ELMO1: variants seen among roughly 807,000 people sequenced by gnomAD.
ELMO1 encodes the protein engulfment and cell motility protein 1.
Under a neutral mutation model 98.9 loss-of-function variants are expected in ELMO1, and 26 were observed. The ratio of observed to expected loss-of-function variants is 0.26; its 90% CI spans 0.19 to 0.36. The LOEUF (loss-of-function observed/expected upper bound fraction) is 0.36. ELMO1 is among the 10% of genes least tolerant of loss of function. The pLI is 1.00. For missense variants in ELMO1, 627 were observed against 935.2 expected (o/e 0.67, Z 4.30); for synonymous variants, 346 against 346.0 (o/e 1.00, Z 0.00).
At chr7:37,366,746 A>C (rs1724398087) in intron 1 of ELMO1, among the ~76,000 whole-genome samples, 1 of 152,204 alleles carries the variant, frequency 6.6e-6, no homozygotes, top group African/African-American at 2.4e-5. Context: ...GGCCAACTTC[A>C]GCAATAGCAT....
chr7:37,176,030 GA>G (rs1315986189), intron 13 of ELMO1, among the ~76,000 whole-genome samples: 1 of 152,218 alleles, frequency 6.6e-6, no homozygotes, highest in Non-Finnish European at 1.5e-5. Context: ...ACTTTCAAGT[GA>G]TGTTTGGAAT....
intron 1 of ELMO1, among the ~76,000 whole-genome samples, chr7:37,430,607 T>C (rs934465046): frequency 6.6e-6 from 1 of 152,264 alleles, no homozygotes; most frequent in Non-Finnish European, 1.5e-5. Context: ...TTTGCATCTC[T>C]GAGCTCACCG....
intron 13 of ELMO1, among the ~76,000 whole-genome samples, chr7:37,190,998 G>T (rs1450799742): frequency 6.6e-6 from 1 of 151,478 alleles, no homozygotes. Flanking sequence ...GACCATCCCG[G>T]CTAACACGGT....
At chr7:37,316,373 G>C (rs368739370) in intron 2 of ELMO1, among the ~76,000 whole-genome samples, 3 of 152,172 alleles carry the variant, frequency 2.0e-5, no homozygotes, top group African/African-American at 7.2e-5. Flanking sequence ...AAAAAGCCTG[G>C]ATTCATGATA....
chr7:37,334,536 G>A (rs1314010611), intron 2 of ELMO1, among the ~76,000 whole-genome samples: 1 of 152,132 alleles, frequency 6.6e-6, no homozygotes, highest in Non-Finnish European at 1.5e-5. Flanking sequence ...GAGTAATCTT[G>A]GGCAAGTTAA....
chr7:37,015,036 G>T (rs1323025078), intron 15 of ELMO1, among the ~76,000 whole-genome samples: 1 of 152,160 alleles, frequency 6.6e-6, no homozygotes, highest in Admixed American at 6.5e-5. Flanking sequence ...CATGAATACA[G>T]TGAATTTCAG....
chr7:37,216,535 C>T, intron 11 of ELMO1, 110 bp downstream of exon 11: 5 of 1,265,278 alleles, frequency 4.0e-6, no homozygotes, highest in Non-Finnish European at 3.4e-6. Context: ...ACTGCTTCAC[C>T]ACAGAAGGAA....
chr7:37,252,709 CA>C lies in ELMO1; in HGVS notation c.413+6471del, dbSNP rs1388110487. The stretch of plus-strand genomic sequence containing the variant: ...ACTAAAACCCCAAAAGCAACTGCAA[CA>C]AAAGCCAAAATAGACAAATGGGGTC... On this transcript the variant is annotated intron_variant, in intron 6 of 21. Transcript: ENST00000310758. Among the ~76,000 whole-genome samples the C allele has an allele frequency of 2.0e-5, 3 of 152,110 alleles. No individual in the cohort carries two copies. In the East Asian group the frequency reaches 5.8e-4, roughly 29 times the overall value.
intron 13 of ELMO1, among the ~76,000 whole-genome samples, chr7:37,136,134 A>G (rs973444415): frequency 6.6e-6 from 1 of 152,180 alleles, no homozygotes; most frequent in African/African-American, 2.4e-5. Flanking sequence ...TCAAAGCTCA[A>G]AGACAAGGCT....
At chr7:36,860,620 G>A (rs1486200181) in intron 21 of ELMO1, among the ~76,000 whole-genome samples, 1 of 152,202 alleles carries the variant, frequency 6.6e-6, no homozygotes, top group Non-Finnish European at 1.5e-5. Context: ...ATTTTAAGTA[G>A]TTTTGTACAC....
At chr7:37,438,256 A>T (rs949140181) in intron 1 of ELMO1, among the ~76,000 whole-genome samples, 1 of 151,986 alleles carries the variant, frequency 6.6e-6, no homozygotes, top group African/African-American at 2.4e-5. Context: ...TCTTTTTATG[A>T]TTTCAGCAAG....
At position 37,179,279 on chromosome 7, in the gene ELMO1, C is replaced by CTTT. The variant is rs67076734; in HGVS notation, c.1086+32104_1086+32106dup. 5.4e-3 allele frequency among the ~76,000 whole-genome samples: 727 copies of CTTT among 135,328 alleles called. 20 individuals are homozygous for CTTT. Among genetic ancestry groups the CTTT allele is most frequent in the African/African-American group, 0.018 (653 of 36,146 alleles). The allele number at this position is 135,328 out of a possible 152,430, so 88.8% of individuals were successfully genotyped here. A position where few individuals can be genotyped will look rare whatever the true frequency, so the allele number is the denominator to read the frequency against. ...TTAATCTGAATGTTTGCATATAGCT[C>CTTT]TTTTTTTTTTTTTTTTGAGACGGAG... On this transcript the variant is annotated intron_variant, in intron 13 of 21. Transcript: ENST00000310758.
intron 8 of ELMO1, among the ~76,000 whole-genome samples, chr7:37,226,242 T>C (rs1584837223): frequency 1.3e-5 from 2 of 152,322 alleles, no homozygotes; most frequent in South Asian, 4.1e-4. Flanking sequence ...GCTATTATTT[T>C]AAAATACAAA....
intron 16 of ELMO1, among the ~76,000 whole-genome samples, chr7:36,921,589 AG>A (rs2129074906): frequency 6.6e-6 from 1 of 152,288 alleles, no homozygotes; most frequent in South Asian, 2.1e-4. Context: ...CAGGTGGAAG[AG>A]GTTCTCTTTC....
At chr7:37,416,555 T>C (rs1804224127) in intron 1 of ELMO1, among the ~76,000 whole-genome samples, 1 of 152,168 alleles carries the variant, frequency 6.6e-6, no homozygotes, top group Admixed American at 6.5e-5. Context: ...AACTGGATAA[T>C]GCATAATCTC....
At chr7:36,999,035 C>G (rs73688445) in intron 16 of ELMO1, among the ~76,000 whole-genome samples, 2,411 of 152,050 alleles carry the variant, frequency 0.016, 22 homozygotes, top group Middle Eastern at 0.037. Context: ...GAAATGATAA[C>G]GGACAGAGCC....
At chr7:36,928,874 A>G (rs768027795) in intron 16 of ELMO1, among the ~76,000 whole-genome samples, 9 of 152,252 alleles carry the variant, frequency 5.9e-5, no homozygotes, top group Non-Finnish European at 1.0e-4. Context: ...CATATGACAC[A>G]CAAAGAGCTG....
intron 15 of ELMO1, among the ~76,000 whole-genome samples, chr7:37,073,572 A>ATG (rs10676771): frequency 0.11 from 16,815 of 146,360 alleles, 1,234 homozygotes; most frequent in African/African-American, 0.23. Context: ...TTGTTTTTGT[A>ATG]TGTGTGTGTG....
At chr7:36,916,052 C>T (rs555851982) in intron 16 of ELMO1, among the ~76,000 whole-genome samples, 5 of 152,262 alleles carry the variant, frequency 3.3e-5, no homozygotes, top group Non-Finnish European at 7.4e-5. Context: ...TCAGTTTTGT[C>T]ACCTTTAAAA....
Sources: gnomAD v4.1 joint callset for allele counts (sites outside exome capture counted in the v4.1 genomes callset) on GRCh38, gnomAD v4.1.1 for gene constraint, MANE v1.5 for transcripts, NCBI Gene and HGNC (gene_info 2026-07-23, HGNC 2026-07-21) for gene names.